The following FNIP2 variants were observed in gnomAD, a reference collection of about 807,000 sequenced individuals.
FNIP2 encodes folliculin interacting protein 2, also known as folliculin-interacting protein 2.
Under a neutral mutation model 108.7 loss-of-function variants are expected in FNIP2, and 32 were observed. That is an observed-to-expected ratio of 0.29 (90% CI 0.22 to 0.40). The LOEUF is 0.40. Among genes scored for constraint, FNIP2 ranks in the 10% least tolerant of loss-of-function variants. The pLI is 1.00. For synonymous variants in FNIP2, 480 were observed against 496.7 expected (o/e 0.97, Z 0.45); for missense variants, 1,202 against 1,381.6 (o/e 0.87, Z 2.06).
At chr4:158,795,655 C>T (rs972876783) in intron 1 of FNIP2, among the ~76,000 whole-genome samples, 5 of 152,168 alleles carry the variant, frequency 3.3e-5, no homozygotes, top group Admixed American at 1.3e-4. Flanking sequence ...ACTCCTAAGC[C>T]ACAGACCAGC....
chr4:158,861,317 G>A, intron 10 of FNIP2, 25 bp from the exon 11 acceptor site: 1 of 1,593,104 alleles, frequency 6.3e-7, no homozygotes, highest in Admixed American at 1.8e-5. Context: ...ACACTTTTGT[G>A]TTTCCCTCTC....
chr4:158,898,001 A>T (rs1782846286), intron 16 of FNIP2, among the ~76,000 whole-genome samples: 1 of 152,102 alleles, frequency 6.6e-6, no homozygotes, highest in South Asian at 2.1e-4. Flanking sequence ...ATCCATCTTG[A>T]GTTAATTTTT....
intron 1 of FNIP2, among the ~76,000 whole-genome samples, chr4:158,803,569 G>A (rs943117668): frequency 1.3e-5 from 2 of 152,148 alleles, no homozygotes; most frequent in Non-Finnish European, 2.9e-5. Flanking sequence ...TTAAACATAA[G>A]GAAATTTGAA....
intron 12 of FNIP2, among the ~76,000 whole-genome samples, chr4:158,864,593 G>A (rs1290461720): frequency 1.3e-5 from 2 of 151,716 alleles, no homozygotes; most frequent in Non-Finnish European, 2.9e-5. Flanking sequence ...TGTCTATATA[G>A]TCCCCTACCT....
chr4:158,772,817 C>T (rs1775739331), intron 1 of FNIP2, among the ~76,000 whole-genome samples: 1 of 152,148 alleles, frequency 6.6e-6, no homozygotes, highest in Non-Finnish European at 1.5e-5. Context: ...AGTTTACAAT[C>T]TAAAGGACAA....
At chr4:158,851,257 T>C in intron 7 of FNIP2, 64 bp from the exon 8 acceptor site, 1 of 1,560,374 alleles carries the variant, frequency 6.4e-7, no homozygotes, top group Non-Finnish European at 8.8e-7. Flanking sequence ...CTTAATGTTG[T>C]GCATTATGTA....
chr4:158,901,128 A>ATTTTTTTTTTTTTTTTTTTTTTTTTTTT (rs140017298), intron 16 of FNIP2, among the ~76,000 whole-genome samples: 1 of 112,302 alleles, frequency 8.9e-6, no homozygotes, highest in African/African-American at 3.7e-5. Context: ...CTGGGTTGAA[A>ATTTTTTTTTTTTTTTTTTTTTTTTTTTT]TTTTTTTTTT....
chr4:158,788,040 T>G (rs1422593873), intron 1 of FNIP2, among the ~76,000 whole-genome samples: 1 of 152,224 alleles, frequency 6.6e-6, no homozygotes, highest in Non-Finnish European at 1.5e-5. Context: ...TTTCGAACCC[T>G]GACACTATCA....
At chr4:158,828,244 G>A (rs957577265) in intron 2 of FNIP2, among the ~76,000 whole-genome samples, 38 of 152,084 alleles carry the variant, frequency 2.5e-4, no homozygotes, top group African/African-American at 7.5e-4. Context: ...CAGGGTTTTG[G>A]TTTCATCCCT....
intron 14 of FNIP2, among the ~76,000 whole-genome samples, chr4:158,890,565 T>C (rs1324632076): frequency 1.3e-5 from 2 of 152,226 alleles, no homozygotes; most frequent in Non-Finnish European, 2.9e-5. Context: ...TCGTAAAAAT[T>C]ACAGGTAACC....
chr4:158,869,410 T>C lies in FNIP2; in HGVS notation c.2774T>C (p.Val925Ala), dbSNP rs1232777552. The C allele has an allele frequency of 6.2e-7, 1 of 1,601,848 alleles. No individual in the cohort carries two copies. Among genetic ancestry groups the C allele is most frequent in the Non-Finnish European group, 8.5e-7 (1 of 1,175,322 alleles). The change falls in exon 13 of 17, where the codon GTG becomes GCG. Residue 925 changes from valine to alanine, a missense_variant. Physicochemically the swap from Val to Ala is moderately conservative, Grantham distance 64 (BLOSUM62 0). Transcript: ENST00000264433. The stretch of plus-strand genomic sequence containing the variant: ...GACAGGACTGGAGGGTCCTTGGAAG[T>C]GGAGCTGCCTCTGCCAAGGTAACTC... Reference protein sequence around the residue: ...GGDRTGGSLEVELPLPRSQSI... With the variant: ...GGDRTGGSLEAELPLPRSQSI...
intron 13 of FNIP2, among the ~76,000 whole-genome samples, chr4:158,869,759 AAGGTC>A (rs1780825765): frequency 6.6e-6 from 1 of 152,110 alleles, no homozygotes; most frequent in Non-Finnish European, 1.5e-5. Context: ...AACTGCAGAG[AAGGTC>A]CGTGGCTGGC....
At chr4:158,838,603 T>C (rs1004655163) in intron 7 of FNIP2, among the ~76,000 whole-genome samples, 7 of 152,210 alleles carry the variant, frequency 4.6e-5, no homozygotes, top group African/African-American at 1.7e-4. Context: ...CTAGAAGTTT[T>C]AGACTTACAG....
At chr4:158,893,723 A>T in intron 15 of FNIP2, 2 of 1,575,530 alleles carry the variant, frequency 1.3e-6, no homozygotes, top group African/African-American at 1.3e-5. Context: ...CTTTTCTGTA[A>T]GAGAAGTAAT....
chr4:158,774,199 T>C (rs1489292178), intron 1 of FNIP2, among the ~76,000 whole-genome samples: 1 of 152,204 alleles, frequency 6.6e-6, no homozygotes, highest in African/African-American at 2.4e-5. Context: ...GGAGCGATTA[T>C]GCATGTGCAG....
intron 1 of FNIP2, among the ~76,000 whole-genome samples, chr4:158,775,645 A>G (rs1775836995): frequency 6.6e-6 from 1 of 152,182 alleles, no homozygotes; most frequent in South Asian, 2.1e-4. Context: ...CTGCCTTTAT[A>G]ATGGACTTCT....
chr4:158,885,327 T>C (rs937987716), intron 14 of FNIP2, among the ~76,000 whole-genome samples: 1 of 152,226 alleles, frequency 6.6e-6, no homozygotes, highest in East Asian at 1.9e-4. Context: ...AGGGGTCTTA[T>C]TGGGAACTGA....
At chr4:158,826,084 T>G in intron 2 of FNIP2, 42 bp downstream of exon 2, 2 of 1,586,288 alleles carry the variant, frequency 1.3e-6, no homozygotes, top group South Asian at 2.2e-5. Flanking sequence ...TTTTGTGCTT[T>G]TAACCACCCT....
rs1312775298 is a variant in FNIP2 at position 158,798,091 on chromosome 4, G to C, written c.108-27825G>C. 2.6e-5 allele frequency among the ~76,000 whole-genome samples: 4 copies of C among 151,992 alleles called. 1 individual carries two copies. The South Asian group carries it at 8.3e-4, about 32-fold the overall frequency. ...GTTGTTGTTGTTTTTTAGAGACAGG[G>C]TCTTGCCCTGTCACTCAAGCCAAAG... On this transcript the variant is annotated intron_variant, in intron 1 of 16. Coordinates refer to ENST00000264433, the MANE Select transcript of FNIP2 (RefSeq NM_020840.3).
Sources: gnomAD v4.1 joint callset for allele counts (sites outside exome capture counted in the v4.1 genomes callset) on GRCh38, gnomAD v4.1.1 for gene constraint, MANE v1.5 for transcripts, NCBI Gene and HGNC (gene_info 2026-07-23, HGNC 2026-07-21) for gene names.